The following ABCC1 variants were observed in gnomAD, a reference collection of about 807,000 sequenced individuals.
ABCC1 encodes multidrug resistance-associated protein 1.
ABCC1 carries 83 observed loss-of-function variants against 172.9 expected under a neutral mutation model. The ratio of observed to expected loss-of-function variants is 0.48; its 90% CI spans 0.40 to 0.58. The LOEUF (loss-of-function observed/expected upper bound fraction) is 0.58, where lower values mean the gene tolerates loss of function less well. Ranked by LOEUF, ABCC1 falls within the 20% of genes least tolerant of loss-of-function variation. ABCC1 has a pLI of 0.00. For synonymous variants in ABCC1, 937 were observed against 825.2 expected (o/e 1.14, Z -2.32); for missense variants, 1,817 against 2,002.7 (o/e 0.91, Z 1.77).
chr16:15,999,628 A>G (rs1167086433), intron 1 of ABCC1, among the ~76,000 whole-genome samples: 1 of 150,356 alleles, frequency 6.7e-6, no homozygotes, highest in African/African-American at 2.4e-5. Flanking sequence ...AAGAAAAAAA[A>G]AATAGAAAAA....
At chr16:16,057,936 C>T (rs1189952162) in intron 12 of ABCC1, among the ~76,000 whole-genome samples, 1 of 152,108 alleles carries the variant, frequency 6.6e-6, no homozygotes, top group Non-Finnish European at 1.5e-5. Flanking sequence ...GCTACCACTC[C>T]CAGCTTGTTT....
chr16:16,052,700 G>A, intron 10 of ABCC1, 24 bp from the exon 11 acceptor site: 6 of 1,611,266 alleles, frequency 3.7e-6, no homozygotes, highest in Non-Finnish European at 5.1e-6. Context: ...GGTGAGTGAT[G>A]AAGAGTCTCC....
chr16:15,952,264 G>A (rs190393198), intron 1 of ABCC1, among the ~76,000 whole-genome samples: 14 of 152,332 alleles, frequency 9.2e-5, no homozygotes, highest in Admixed American at 4.6e-4. Flanking sequence ...GAAGTTGTGT[G>A]TTTTAAGCTC....
At chr16:16,139,277 C>G (rs1346658897) in intron 30 of ABCC1, among the ~76,000 whole-genome samples, 1 of 151,968 alleles carries the variant, frequency 6.6e-6, no homozygotes, top group African/African-American at 2.4e-5. Context: ...CACTGCAGGC[C>G]CAGTGCGTGG....
chr16:15,990,626 T>C (rs949499657), intron 1 of ABCC1, among the ~76,000 whole-genome samples: 3 of 152,054 alleles, frequency 2.0e-5, no homozygotes, highest in African/African-American at 7.2e-5. Flanking sequence ...TCCAGGCGCA[T>C]CCATGTTGTT....
intron 12 of ABCC1, among the ~76,000 whole-genome samples, chr16:16,062,799 C>T (rs1001416635): frequency 8.5e-5 from 13 of 152,132 alleles, no homozygotes; most frequent in African/African-American, 1.2e-4. Flanking sequence ...ACACAGAGGC[C>T]GGGGAAGGCC....
intron 10 of ABCC1, among the ~76,000 whole-genome samples, chr16:16,049,937 A>G (rs1369255974): frequency 1.3e-5 from 2 of 151,452 alleles, no homozygotes; most frequent in Non-Finnish European, 2.9e-5. Flanking sequence ...CAGGTGATCT[A>G]CCCTCTGTGG....
chr16:16,065,365 A>G (rs959027263), intron 12 of ABCC1, among the ~76,000 whole-genome samples: 23 of 152,236 alleles, frequency 1.5e-4, no homozygotes, highest in Admixed American at 3.3e-4. Context: ...GGCTCAAATG[A>G]TTCTCCTGCC....
rs1212548231 is a variant in ABCC1, at chr16:16,068,316, C to G, written c.1824+14C>G. 1.2e-6 allele frequency: 2 copies of G among 1,613,082 alleles called. No homozygotes were observed. The highest frequency in any genetic ancestry group is 2.2e-5 in the South Asian group (2 of 91,046). ...AGCATCGTGCAGGTACAGGGGGAAG[C>G]TGGGGCGACTTCCGAGAGGGGGCCT... On this transcript the variant is annotated intron_variant, in intron 13 of 30. Transcript: ENST00000399410.
At chr16:15,957,246 ATTTTTTT>A (rs1157024430) in intron 1 of ABCC1, among the ~76,000 whole-genome samples, 13 of 131,104 alleles carry the variant, frequency 9.9e-5, no homozygotes, top group Non-Finnish European at 1.3e-4. Context: ...TGCCCAGCTA[ATTTTTTT>A]TTTTTTTTTT....
chr16:16,022,735 T>C (rs966343599), intron 5 of ABCC1, among the ~76,000 whole-genome samples: 7 of 152,102 alleles, frequency 4.6e-5, no homozygotes, highest in African/African-American at 9.7e-5. Flanking sequence ...TGTAATATTT[T>C]CCCCCCAGCA....
intron 1 of ABCC1, among the ~76,000 whole-genome samples, chr16:15,952,978 G>A (rs2045910865): frequency 6.6e-6 from 1 of 151,508 alleles, no homozygotes; most frequent in African/African-American, 2.4e-5. Context: ...GGGGGTGGAG[G>A]TTGCAATGAG....
rs751081933 is a variant in ABCC1, at chr16:16,098,910, C to T, written c.2645-3717C>T. 43 of 1,352,086 alleles carry T rather than the reference C, an allele frequency of 3.2e-5. No homozygotes were observed. The South Asian group carries it at 4.1e-4, about 13-fold the overall frequency. The allele number at this position is 1,352,086 out of a possible 1,614,324, so 83.8% of individuals were successfully genotyped here. On this transcript the variant is annotated intron_variant, in intron 19 of 30. Coordinates refer to ENST00000399410, the MANE Select transcript of ABCC1 (RefSeq NM_004996.4). ...TGGACGAGGAGGAAGCAGGTCAGTACTGCCCGGGTTGGAGTTGGCTTGGCT... is the reference window on the plus strand; with the variant it reads ...TGGACGAGGAGGAAGCAGGTCAGTATTGCCCGGGTTGGAGTTGGCTTGGCT...
intron 20 of ABCC1, 31 bp from the exon 21 acceptor site, chr16:16,106,707 C>T (rs199963216): frequency 2.5e-4 from 406 of 1,613,372 alleles, no homozygotes; most frequent in Middle Eastern, 3.3e-4. Flanking sequence ...GGCATCTGTA[C>T]GGTTGACACC....
At chr16:16,043,243 T>TTTTTTTTCCC (rs1021835519) in intron 7 of ABCC1, among the ~76,000 whole-genome samples, 10 of 140,788 alleles carry the variant, frequency 7.1e-5, no homozygotes, top group Non-Finnish European at 1.2e-4. Context: ...TTTTTTTTTT[T>TTTTTTTTCCC]CCACTGATGT....
rs1311240317 is a variant in ABCC1 at position 16,132,524 on chromosome 16, T to G, written c.3966+589T>G. On this transcript the variant is annotated intron_variant, in intron 27 of 30. Coordinates refer to ENST00000399410, the MANE Select transcript of ABCC1 (RefSeq NM_004996.4). ...TTTGGTTGGTTGTTTTTTTTTTTTT[T>G]TTTTTTTTTTTTTTTGAGATGGAGT... Among the ~76,000 whole-genome samples, 272 of 132,022 alleles carry G rather than the reference T, an allele frequency of 2.1e-3. 3 individuals are homozygous for G. The highest frequency in any genetic ancestry group is 7.3e-3 in the African/African-American group (253 of 34,720). The allele number at this position is 132,022 out of a possible 152,430, so 86.6% of individuals were successfully genotyped here. A position where few individuals can be genotyped will look rare whatever the true frequency, so the allele number is the denominator to read the frequency against.
intron 1 of ABCC1, 78 bp from the exon 2 acceptor site, chr16:16,007,738 G>C (rs1039228426): frequency 7.1e-7 from 1 of 1,418,390 alleles, no homozygotes. Context: ...CCCCGTGGCA[G>C]CTGGTTTCAT....
intron 21 of ABCC1, among the ~76,000 whole-genome samples, chr16:16,108,082 C>A (rs2052215945): frequency 6.6e-6 from 1 of 151,834 alleles, no homozygotes; most frequent in Non-Finnish European, 1.5e-5. Flanking sequence ...CCTTAGTGAC[C>A]CTCCAGGAAG....
chr16:15,979,694 G>A (rs1184805771), intron 1 of ABCC1, among the ~76,000 whole-genome samples: 2 of 152,098 alleles, frequency 1.3e-5, no homozygotes, highest in East Asian at 3.8e-4. Context: ...ATGTTGCCCA[G>A]GCTGGTCTTG....
Sources: gnomAD v4.1 joint callset for allele counts (sites outside exome capture counted in the v4.1 genomes callset) on GRCh38, gnomAD v4.1.1 for gene constraint, MANE v1.5 for transcripts, NCBI Gene and HGNC (gene_info 2026-07-23, HGNC 2026-07-21) for gene names.